KMT2C: variants seen among roughly 807,000 people sequenced by gnomAD.
The protein encoded by KMT2C is lysine methyltransferase 2C.
KMT2C carries 88 observed loss-of-function variants against 507.9 expected under a neutral mutation model. The ratio of observed to expected loss-of-function variants is 0.17; its 90% CI spans 0.15 to 0.21. The LOEUF is 0.21. Among genes scored for constraint, KMT2C ranks in the 10% least tolerant of loss-of-function variants. The pLI, the probability that KMT2C is intolerant of heterozygous loss-of-function variation, is 1.00. For missense variants in KMT2C, 4,954 were observed against 5,957.8 expected (o/e 0.83, Z 5.55); for synonymous variants, 2,049 against 2,080.8 (o/e 0.98, Z 0.42).
intron 1 of KMT2C, among the ~76,000 whole-genome samples, chr7:152,385,797 T>C (rs555744999): frequency 2.5e-3 from 372 of 151,502 alleles, no homozygotes; most frequent in Non-Finnish European, 4.5e-3. Context: ...GATATCACAT[T>C]ATGCCTGAGG....
chr7:152,373,101 A>G (rs969899314), intron 1 of KMT2C, among the ~76,000 whole-genome samples: 24 of 152,256 alleles, frequency 1.6e-4, no homozygotes, highest in African/African-American at 5.5e-4. Context: ...AAATCTGTTA[A>G]TATGGTTGTC....
intron 7 of KMT2C, among the ~76,000 whole-genome samples, 170 bp from the exon 8 acceptor site, chr7:152,265,379 G>C (rs1266314595): frequency 1.3e-5 from 2 of 151,930 alleles, no homozygotes; most frequent in Admixed American, 6.6e-5. Flanking sequence ...AACACTGTAG[G>C]GTATTTAATC....
chr7:152,240,879 G>A (rs1371800561), intron 14 of KMT2C, among the ~76,000 whole-genome samples: 1 of 152,156 alleles, frequency 6.6e-6, no homozygotes, highest in Non-Finnish European at 1.5e-5. Flanking sequence ...TCTACTGCTG[G>A]TTATGCTTCT....
intron 39 of KMT2C, among the ~76,000 whole-genome samples, chr7:152,172,458 G>A (rs553572682): frequency 6.6e-6 from 1 of 152,300 alleles, no homozygotes; most frequent in Admixed American, 6.5e-5. Context: ...CACTTTGGGA[G>A]GGGGAGGCAG....
intron 3 of KMT2C, among the ~76,000 whole-genome samples, chr7:152,321,602 T>C (rs2096773708): frequency 6.6e-6 from 1 of 151,836 alleles, no homozygotes; most frequent in Non-Finnish European, 1.5e-5. Flanking sequence ...TATACAAAAA[T>C]CAGTAGCATT....
At chr7:152,190,512 C>A (rs983430370) in intron 31 of KMT2C, among the ~76,000 whole-genome samples, 2 of 152,056 alleles carry the variant, frequency 1.3e-5, no homozygotes, top group African/African-American at 4.8e-5. Context: ...GCAAAGAGGA[C>A]CCACAGAAAT....
intron 42 of KMT2C, 88 bp downstream of exon 42, chr7:152,167,058 C>T: frequency 5.7e-6 from 6 of 1,058,786 alleles, no homozygotes; most frequent in Non-Finnish European, 8.4e-6. Flanking sequence ...CAAAAAAAAT[C>T]ACTAGTCAAA....
At chr7:152,346,542 T>C (rs900704815) in intron 2 of KMT2C, among the ~76,000 whole-genome samples, 1 of 151,920 alleles carries the variant, frequency 6.6e-6, no homozygotes, top group African/African-American at 2.4e-5. Context: ...TAAATGAAAA[T>C]AAAAAGAAAA....
chr7:152,341,310 G>T (rs2129219724), intron 2 of KMT2C, among the ~76,000 whole-genome samples: 1 of 152,278 alleles, frequency 6.6e-6, no homozygotes, highest in Admixed American at 6.5e-5. Flanking sequence ...GTTCTGAAAT[G>T]ATTTGTTACG....
chr7:152,290,568 G>A (rs201410356), intron 6 of KMT2C, among the ~76,000 whole-genome samples: 10 of 150,810 alleles, frequency 6.6e-5, no homozygotes, highest in Admixed American at 2.0e-4. Flanking sequence ...TCAGCCTCCC[G>A]AAGTGCTGGG....
intron 2 of KMT2C, among the ~76,000 whole-genome samples, chr7:152,341,710 G>A (rs1387579908): frequency 1.3e-5 from 2 of 152,022 alleles, no homozygotes; most frequent in African/African-American, 4.8e-5. Flanking sequence ...AGAAAAACCT[G>A]ATACTTCAAA....
chr7:152,409,049 G>A (rs2097653327), intron 1 of KMT2C, among the ~76,000 whole-genome samples: 1 of 151,734 alleles, frequency 6.6e-6, no homozygotes, highest in Admixed American at 6.6e-5. Flanking sequence ...TGTTACCCAG[G>A]CTTAAGTGCA....
chr7:152,328,383 G>A (rs1317564783), intron 3 of KMT2C, among the ~76,000 whole-genome samples: 3 of 152,098 alleles, frequency 2.0e-5, no homozygotes, highest in East Asian at 3.9e-4. Context: ...TAGCCTCTCT[G>A]GGAGGTAAGC....
In KMT2C at chr7:152,401,244, G is replaced by A. The variant is rs971659698; in HGVS notation, c.161+34382C>T. Among the ~76,000 whole-genome samples, 785 of 151,556 alleles carry A rather than the reference G, an allele frequency of 5.2e-3. 4 individuals are homozygous for A. Among genetic ancestry groups the A allele is most frequent in the African/African-American group, 0.018 (743 of 41,372 alleles). ...CGGGATAACAGGCATACGCCACCAC[G>A]AATTTTTGTATTTTTAGTAGAGACG... On this transcript the variant is annotated intron_variant, in intron 1 of 58. Coordinates refer to ENST00000262189, the MANE Select transcript of KMT2C (RefSeq NM_170606.3).
At position 152,375,392 on chromosome 7, in the gene KMT2C, C is replaced by CT. The variant is rs538387777; in HGVS notation, c.162-16718dup. On this transcript the variant is annotated intron_variant, in intron 1 of 58. Coordinates refer to ENST00000262189, the MANE Select transcript of KMT2C (RefSeq NM_170606.3). ...TTTGTCAACCTTGCACTGAACAAGT[C>CT]TTTTTTTTTTTGAGACGGAGTCTTG... 2.0e-3 allele frequency among the ~76,000 whole-genome samples: 289 copies of CT among 145,866 alleles called. 1 individual carries two copies. Among genetic ancestry groups the CT allele is most frequent in the African/African-American group, 5.3e-3 (211 of 40,032 alleles).
At chr7:152,353,635 C>T (rs1274079625) in intron 2 of KMT2C, among the ~76,000 whole-genome samples, 2 of 152,032 alleles carry the variant, frequency 1.3e-5, no homozygotes, top group Non-Finnish European at 1.5e-5. Flanking sequence ...GTAGCTAGGA[C>T]TACAGGTGCA....
In KMT2C at chr7:152,163,553, C is replaced by T. The variant is rs144376311; in HGVS notation, c.10024G>A (p.Ala3342Thr). Reference protein sequence around the residue: ...LPGWQPNSAPAHLPLNPPRIQ... With the variant: ...LPGWQPNSAPTHLPLNPPRIQ... ...CTAGGAGGATTGAGGGGCAGGTGGG[C>T]AGGAGCACTGTTGGGTTGCCATCCA... Residue 3342 changes from alanine to threonine, a missense_variant, in exon 43 of 59, where the codon GCC (alanine) becomes ACC (threonine). Ala to Thr is a moderately conservative substitution (Grantham distance 58). This residue lies in a region of KMT2C where 801 missense variants were observed against 751.2 expected (regional missense o/e 1.07). Coordinates refer to ENST00000262189, the MANE Select transcript of KMT2C (RefSeq NM_170606.3). The T allele has an allele frequency of 6.2e-7, 1 of 1,609,118 alleles. No homozygotes were observed. Among genetic ancestry groups the T allele is most frequent in the Non-Finnish European group, 8.5e-7 (1 of 1,176,944 alleles).
chr7:152,282,910 ACT>A lies in KMT2C; in HGVS notation c.850-9045_850-9044del, dbSNP rs200743556. 2.5e-3 allele frequency among the ~76,000 whole-genome samples: 378 copies of A among 152,256 alleles called. 7 individuals carry two copies. The highest frequency in any genetic ancestry group is 0.016 in the East Asian group (81 of 5,188). The stretch of plus-strand genomic sequence containing the variant: ...AAAATTAAGAGAATTTTAGATAAAA[ACT>A]CAACTTTTAATGGAAAATATTTTCC... On this transcript the variant is annotated intron_variant, in intron 6 of 58. Transcript: ENST00000262189.
Position 152,177,125 on chromosome 7 carries a change from T to C in KMT2C, c.8328A>G (p.Glu2776=), listed in dbSNP as rs1421744329. The change falls in exon 38 of 59, where the codon GAA becomes GAG. Residue 2776 remains glutamate (E), a synonymous_variant. Coordinates refer to ENST00000262189, the MANE Select transcript of KMT2C (RefSeq NM_170606.3). ...MGDKKSMFNE[E]LDLPIDDKLD... ...ACTTATCATCAATTGGAAGGTCTAG[T>C]TCCTCATTAAACATGCTTTTCTTAT... 1 of 1,613,330 alleles carries C rather than the reference T, an allele frequency of 6.2e-7. No homozygotes were observed. Among genetic ancestry groups the C allele is most frequent in the Non-Finnish European group, 8.5e-7 (1 of 1,179,848 alleles).
Sources: allele counts gnomAD v4.1 joint callset (sites outside exome capture counted in the v4.1 genomes callset), GRCh38; gene constraint gnomAD v4.1.1; regional missense constraint gnomAD v4.1.1; transcripts MANE v1.5; gene names NCBI Gene and HGNC (gene_info 2026-07-23, HGNC 2026-07-21).